PCDHA6: variants seen among roughly 807,000 people sequenced by gnomAD.
The protein encoded by PCDHA6 is protocadherin alpha-6.
In PCDHA6, 55 loss-of-function variants were observed where a neutral mutation model predicts 60.3. The observed-to-expected ratio is 0.91, with a 90% CI of 0.73 to 1.14. The LOEUF is 1.14. Ranked by LOEUF, PCDHA6 falls within the 50% of genes most tolerant of loss-of-function variation. The pLI is 0.00. For synonymous variants in PCDHA6, 652 were observed against 557.9 expected (o/e 1.17, Z -2.38); for missense variants, 1,327 against 1,256.5 (o/e 1.06, Z -0.85).
intron 1 of PCDHA6, among the ~76,000 whole-genome samples, chr5:140,920,232 A>C (rs1463016764): frequency 6.6e-6 from 1 of 152,232 alleles, no homozygotes; most frequent in African/African-American, 2.4e-5. Flanking sequence ...ATAGTATTAT[A>C]TACCCAACAA....
At chr5:140,992,271 T>C (rs1375901464) in intron 3 of PCDHA6, among the ~76,000 whole-genome samples, 1 of 152,184 alleles carries the variant, frequency 6.6e-6, no homozygotes, top group African/African-American at 2.4e-5. Flanking sequence ...GTTCTTTTCG[T>C]AGCACATCCC....
intron 1 of PCDHA6, among the ~76,000 whole-genome samples, chr5:140,972,665 T>A (rs1554234345): frequency 6.7e-6 from 1 of 148,584 alleles, no homozygotes; most frequent in Non-Finnish European, 1.5e-5. Flanking sequence ...ACCAAATTTT[T>A]TTTTTTTTTT....
Position 141,009,711 on chromosome 5 carries a change from C to G in PCDHA6, c.2627C>G (p.Pro876Arg), listed in dbSNP as rs575518914. Reference sequence around the variant, plus strand: ...ACCTTTAAATACGGACCAGGCAACCCCAAACAATCCGGTCCCGGTGAGTTG... The same window carrying G: ...ACCTTTAAATACGGACCAGGCAACCGCAAACAATCCGGTCCCGGTGAGTTG... The part of the protein sequence containing the change: ...SWTFKYGPGN[P>R]KQSGPGELPD... Residue 876 changes from proline to arginine, a missense_variant, in exon 4 of 4, where the codon CCC (proline) becomes CGC (arginine). Transcript: ENST00000529310. The G allele has an allele frequency of 6.2e-6, 10 of 1,613,982 alleles. No homozygotes were observed. Among genetic ancestry groups the G allele is most frequent in the Non-Finnish European group, 8.5e-6 (10 of 1,180,036 alleles).
rs782410675 is a variant in PCDHA6 at position 140,884,460 on chromosome 5, C to G, written c.2394+53975C>G. On this transcript the variant is annotated intron_variant, in intron 1 of 3. Coordinates refer to ENST00000529310, the MANE Select transcript of PCDHA6 (RefSeq NM_018909.4). ...TGCTCGGCACCGCCCACCGAGGGCGCGTGCGCGCCGGGCAAGCCCACTCTA... is the reference window on the plus strand; with the variant it reads ...TGCTCGGCACCGCCCACCGAGGGCGGGTGCGCGCCGGGCAAGCCCACTCTA... The G allele has an allele frequency of 2.5e-6, 4 of 1,613,614 alleles. No individual in the cohort carries two copies. Among genetic ancestry groups the G allele is most frequent in the Non-Finnish European group, 2.5e-6 (3 of 1,179,818 alleles).
chr5:140,852,752 C>T (rs2042460960), intron 1 of PCDHA6: 1 of 983,598 alleles, frequency 1.0e-6, no homozygotes, highest in Non-Finnish European at 1.2e-6. Context: ...TAAACTTGGA[C>T]CCAGGTATCT....
intron 1 of PCDHA6, among the ~76,000 whole-genome samples, chr5:140,880,237 T>C (rs2058279701): frequency 6.6e-6 from 1 of 152,148 alleles, no homozygotes; most frequent in Non-Finnish European, 1.5e-5. Flanking sequence ...AATTAGTGTA[T>C]GTGCGTGTGT....
At chr5:141,007,933 A>T (rs1168610845) in intron 3 of PCDHA6, among the ~76,000 whole-genome samples, 1 of 152,212 alleles carries the variant, frequency 6.6e-6, no homozygotes, top group African/African-American at 2.4e-5. Context: ...TGGAATTCTA[A>T]GCCACCTTTT....
intron 1 of PCDHA6, among the ~76,000 whole-genome samples, chr5:140,891,372 G>A (rs1256551608): frequency 1.3e-5 from 2 of 151,962 alleles, no homozygotes; most frequent in Non-Finnish European, 2.9e-5. Flanking sequence ...AGTATACATT[G>A]CACCATATTT....
At chr5:140,982,192 G>A (rs1390222750) in intron 2 of PCDHA6, among the ~76,000 whole-genome samples, 4 of 152,230 alleles carry the variant, frequency 2.6e-5, no homozygotes, top group Non-Finnish European at 4.4e-5. Context: ...TGGGCTTCCT[G>A]TTAGATTTAG....
intron 1 of PCDHA6, chr5:140,842,622 C>T (rs2150340886): frequency 1.3e-6 from 2 of 1,579,180 alleles, no homozygotes; most frequent in East Asian, 2.2e-5. Flanking sequence ...GGCTCGCCTT[C>T]GCTGTGGGCC....
rs150962684 is a variant in PCDHA6, at chr5:140,829,379, G to C, written c.1288G>C (p.Gly430Arg). 448 of 1,614,186 alleles carry C rather than the reference G, an allele frequency of 2.8e-4. 2 individuals carry two copies. The African/African-American group carries it at 5.6e-3, about 20-fold the overall frequency. Residue 430 changes from glycine to arginine, a missense_variant, in exon 1 of 4, where the codon GGG becomes CGG. Physicochemically the swap from Gly to Arg is moderately radical, Grantham distance 125. Transcript: ENST00000529310. ...AYELVVTARD[G>R]GSPSLWATAS... ...TGAGTTGGTGGTAACCGCGCGGGACGGGGGCTCGCCTTCGCTGTGGGCCAC... is the reference window on the plus strand; with the variant it reads ...TGAGTTGGTGGTAACCGCGCGGGACCGGGGCTCGCCTTCGCTGTGGGCCAC...
At chr5:140,834,590 A>T in intron 1 of PCDHA6, 3 of 1,614,104 alleles carry the variant, frequency 1.9e-6, no homozygotes, top group Non-Finnish European at 2.5e-6. Context: ...CGGTGTGCAA[A>T]TTCCGTGGGG....
At chr5:140,874,926 A>C (rs1282020251) in intron 1 of PCDHA6, among the ~76,000 whole-genome samples, 1 of 152,228 alleles carries the variant, frequency 6.6e-6, no homozygotes, top group Non-Finnish European at 1.5e-5. Flanking sequence ...GTGAAGGTTA[A>C]AAGTTATTGA....
rs201762893 is a variant in PCDHA6, at chr5:140,829,796, C to G, written c.1705C>G (p.Arg569Gly). The part of the protein sequence containing the change: ...NDNAPALLAP[R>G]VGGTGGAVSE... The stretch of plus-strand genomic sequence containing the variant: ...CAACGCGCCGGCGCTGCTGGCGCCT[C>G]GGGTGGGTGGTACTGGTGGTGCAGT... The change falls in exon 1 of 4, where the codon CGG (arginine) becomes GGG (glycine). Residue 569 changes from arginine to glycine, a missense_variant. Physicochemically the swap from Arg to Gly is moderately radical, Grantham distance 125. Transcript: ENST00000529310. The G allele has an allele frequency of 6.8e-4, 1,090 of 1,613,774 alleles. 9 individuals carry two copies. Among genetic ancestry groups the G allele is most frequent in the East Asian group, 3.1e-4 (14 of 44,862 alleles).
At chr5:140,879,180 G>C (rs1459369751) in intron 1 of PCDHA6, among the ~76,000 whole-genome samples, 14 of 152,206 alleles carry the variant, frequency 9.2e-5, no homozygotes, top group African/African-American at 3.4e-4. Context: ...TAGGTATCAA[G>C]TAATGGAGAC....
rs782467193 is a variant in PCDHA6, at chr5:140,884,498, G to A, written c.2394+54013G>A. 8.1e-6 allele frequency: 13 copies of A among 1,613,958 alleles called. No homozygotes were observed. The Admixed American group carries it at 8.3e-5, about 10-fold the overall frequency. On this transcript the variant is annotated intron_variant, in intron 1 of 3. Transcript: ENST00000529310. ...CAAGCCCACTCTAGTGTGCTCCAGC[G>A]CGGCAGGGAGTTGGTCGTACTCGCA...
In PCDHA6 at chr5:140,883,753, G is replaced by A. The variant is rs945452765; in HGVS notation, c.2394+53268G>A. 5 of 1,613,010 alleles carry A rather than the reference G, an allele frequency of 3.1e-6. No homozygotes were observed. The African/African-American group carries it at 5.3e-5, about 17-fold the overall frequency. ...ACGCGCTGGTCTCCTACTCGCTGGT[G>A]GAGCGGCGGGTGGGCGAGCGTGCGC... is the stretch of plus-strand genomic sequence containing the variant. On this transcript the variant is annotated intron_variant, in intron 1 of 3. Transcript: ENST00000529310.
intron 1 of PCDHA6, among the ~76,000 whole-genome samples, chr5:140,914,220 C>A (rs1210445622): frequency 6.6e-6 from 1 of 152,212 alleles, no homozygotes; most frequent in South Asian, 2.1e-4. Flanking sequence ...TCTCTTTTAG[C>A]TCTAATACTA....
At position 140,829,673 on chromosome 5, in the gene PCDHA6, C is replaced by G. The variant is rs1246503495; in HGVS notation, c.1582C>G (p.Leu528Val). The change falls in exon 1 of 4, where the codon CTA becomes GTA. Residue 528 changes from leucine to valine, a missense_variant. By Grantham distance (32) the Leu-to-Val change is conservative (BLOSUM62 1). Transcript: ENST00000529310. ...GCTGCAGCCGCTGGACCACGAGGAGCTAGAGCTGCTGCAGTTTCAGGTGAG... is the reference window on the plus strand; with the variant it reads ...GCTGCAGCCGCTGGACCACGAGGAGGTAGAGCTGCTGCAGTTTCAGGTGAG... ...YALQPLDHEE[L>V]ELLQFQVSAR... 3 of 1,613,006 alleles carry G rather than the reference C, an allele frequency of 1.9e-6. No homozygotes were observed. Among genetic ancestry groups the G allele is most frequent in the South Asian group, 2.2e-5 (2 of 91,048 alleles).
Sources: allele counts gnomAD v4.1 joint callset (sites outside exome capture counted in the v4.1 genomes callset), GRCh38; gene constraint gnomAD v4.1.1; transcripts MANE v1.5; gene names NCBI Gene and HGNC (gene_info 2026-07-23, HGNC 2026-07-21).